The following SGCZ variants were observed in gnomAD, a reference collection of about 807,000 sequenced individuals.
SGCZ encodes the protein sarcoglycan zeta.
Under a neutral mutation model 41.3 loss-of-function variants are expected in SGCZ, and 40 were observed. The observed-to-expected ratio is 0.97, with a 90% CI of 0.75 to 1.26. The LOEUF is 1.26. Ranked by LOEUF, SGCZ falls within the 50% of genes most tolerant of loss-of-function variation. The pLI is 0.00. For missense variants in SGCZ, 552 were observed against 369.8 expected, an observed-to-expected ratio of 1.49 and a Z score of -4.04; for synonymous variants, 206 against 137.5, an observed-to-expected ratio of 1.50 and a Z score of -3.49.
intron 1 of SGCZ, among the ~76,000 whole-genome samples, chr8:15,090,836 TAATC>T (rs1380872200): frequency 6.6e-6 from 1 of 152,206 alleles, no homozygotes; most frequent in Non-Finnish European, 1.5e-5. Flanking sequence ...GTTGCCCAGT[TAATC>T]TAAGCGGCTA....
chr8:15,105,940 C>T (rs1806808838), intron 1 of SGCZ, among the ~76,000 whole-genome samples: 1 of 152,068 alleles, frequency 6.6e-6, no homozygotes, highest in South Asian at 2.1e-4. Context: ...TTGAATATTC[C>T]ATCTTTTCCC....
chr8:14,949,734 G>A (rs1013054790), intron 1 of SGCZ, among the ~76,000 whole-genome samples: 1 of 152,010 alleles, frequency 6.6e-6, no homozygotes, highest in Admixed American at 6.6e-5. Context: ...TTAACAATAT[G>A]TGCTACTCTA....
intron 5 of SGCZ, among the ~76,000 whole-genome samples, chr8:14,129,141 G>C (rs888404952): frequency 1.3e-5 from 2 of 151,934 alleles, no homozygotes; most frequent in Admixed American, 6.6e-5. Context: ...GAGGTCAGGA[G>C]TTCAAGACCA....
intron 5 of SGCZ, among the ~76,000 whole-genome samples, chr8:14,146,965 A>ACC (rs1437757052): frequency 2.0e-5 from 3 of 150,590 alleles, no homozygotes; most frequent in East Asian, 1.9e-4. Flanking sequence ...GAAAAAAAAA[A>ACC]CCCAAAAATT....
intron 4 of SGCZ, among the ~76,000 whole-genome samples, chr8:14,221,981 A>T (rs1275847862): frequency 6.6e-6 from 1 of 151,764 alleles, no homozygotes; most frequent in East Asian, 1.9e-4. Flanking sequence ...AAAAAAGTGG[A>T]AGTGGGGTCT....
chr8:14,210,765 C>A (rs1805778388), intron 4 of SGCZ, among the ~76,000 whole-genome samples: 1 of 152,134 alleles, frequency 6.6e-6, no homozygotes, highest in South Asian at 2.1e-4. Flanking sequence ...CTGCACCCAG[C>A]CCAATTATTT....
At chr8:15,186,629 TCTAA>T (rs1449295399) in intron 1 of SGCZ, among the ~76,000 whole-genome samples, 8 of 152,166 alleles carry the variant, frequency 5.3e-5, no homozygotes, top group Admixed American at 3.9e-4. Context: ...AAAATTGCAC[TCTAA>T]CTATGAAACA....
chr8:14,471,134 A>G (rs1201015014), intron 2 of SGCZ, among the ~76,000 whole-genome samples: 1 of 152,206 alleles, frequency 6.6e-6, no homozygotes, highest in Non-Finnish European at 1.5e-5. Flanking sequence ...TCAATGTTTT[A>G]TAACTTGGGC....
intron 3 of SGCZ, among the ~76,000 whole-genome samples, chr8:14,297,233 T>C (rs987788201): frequency 3.9e-5 from 6 of 152,102 alleles, no homozygotes; most frequent in African/African-American, 1.4e-4. Flanking sequence ...CTGAATATTT[T>C]TATTTAAAAT....
chr8:14,901,349 C>T (rs139432571), intron 1 of SGCZ, among the ~76,000 whole-genome samples: 1 of 152,276 alleles, frequency 6.6e-6, no homozygotes, highest in East Asian at 1.9e-4. Flanking sequence ...AGCTCCCAAA[C>T]ACATCTAATG....
intron 1 of SGCZ, among the ~76,000 whole-genome samples, chr8:14,819,256 G>T (rs1407175645): frequency 6.6e-6 from 1 of 152,146 alleles, no homozygotes; most frequent in African/African-American, 2.4e-5. Context: ...TGCAGGCTAG[G>T]AAAGAATGGA....
At chr8:14,530,705 T>C (rs1168207558) in intron 2 of SGCZ, among the ~76,000 whole-genome samples, 2 of 152,078 alleles carry the variant, frequency 1.3e-5, no homozygotes, top group Non-Finnish European at 2.9e-5. Context: ...ATTATATGCC[T>C]GGCACAGTAG....
At chr8:14,310,781 G>T (rs1481007789) in intron 3 of SGCZ, among the ~76,000 whole-genome samples, 1 of 151,988 alleles carries the variant, frequency 6.6e-6, no homozygotes, top group African/African-American at 2.4e-5. Context: ...TTCTTTTGTG[G>T]TGTCTTCCAT....
chr8:14,939,884 A>C (rs2130818578), intron 1 of SGCZ, among the ~76,000 whole-genome samples: 1 of 152,278 alleles, frequency 6.6e-6, no homozygotes, highest in Middle Eastern at 3.4e-3. Context: ...CATTGATGTC[A>C]GCTCAAGTAT....
intron 1 of SGCZ, among the ~76,000 whole-genome samples, chr8:15,012,323 T>C (rs1488235237): frequency 6.6e-6 from 1 of 151,256 alleles, no homozygotes; most frequent in Non-Finnish European, 1.5e-5. Flanking sequence ...ATTAGCATGA[T>C]GTGGTGACAT....
chr8:14,416,253 T>C (rs1458659633), intron 2 of SGCZ, among the ~76,000 whole-genome samples: 2 of 152,060 alleles, frequency 1.3e-5, no homozygotes, highest in African/African-American at 4.8e-5. Context: ...CTATAAGAAG[T>C]AACATATCTA....
chr8:15,087,509 T>G (rs906782596), intron 1 of SGCZ, among the ~76,000 whole-genome samples: 1 of 152,146 alleles, frequency 6.6e-6, no homozygotes, highest in African/African-American at 2.4e-5. Flanking sequence ...GCTTAATGCA[T>G]TTCTGCCAAT....
chr8:15,212,260 C>A (rs1801257772), intron 1 of SGCZ, among the ~76,000 whole-genome samples: 1 of 152,074 alleles, frequency 6.6e-6, no homozygotes, highest in Non-Finnish European at 1.5e-5. Flanking sequence ...AATCCTACAC[C>A]AACACTGGCC....
intron 1 of SGCZ, among the ~76,000 whole-genome samples, chr8:14,997,954 T>C (rs950145318): frequency 1.3e-5 from 2 of 151,652 alleles, no homozygotes; most frequent in Admixed American, 6.6e-5. Context: ...AGTGAGACTC[T>C]GTCACAAAAG....
Sources: gnomAD v4.1 joint callset for allele counts (sites outside exome capture counted in the v4.1 genomes callset) on GRCh38, gnomAD v4.1.1 for gene constraint, MANE v1.5 for transcripts, NCBI Gene and HGNC (gene_info 2026-07-23, HGNC 2026-07-21) for gene names.